Variants in MARK1 observed in about 807,000 individuals in gnomAD.
MARK1 encodes the protein serine/threonine-protein kinase MARK1.
In MARK1, 40 loss-of-function variants were observed where a neutral mutation model predicts 96.3. The observed-to-expected ratio is 0.42, with a 90% CI of 0.32 to 0.54. The LOEUF (loss-of-function observed/expected upper bound fraction) is 0.54, where lower values mean the gene tolerates loss of function less well. Ranked by LOEUF, MARK1 falls within the 20% of genes least tolerant of loss-of-function variation. The pLI, the probability that MARK1 is intolerant of heterozygous loss-of-function variation, is 0.16. For synonymous variants in MARK1, 317 were observed against 341.2 expected (o/e 0.93, Z 0.78); for missense variants, 719 against 984.6 (o/e 0.73, Z 3.61).
In MARK1 at chr1:220,600,035, G is replaced by A. The variant is rs570472265; in HGVS notation, c.424+172G>A. On this transcript the variant is annotated intron_variant, in intron 5 of 17. Coordinates refer to ENST00000366917, the MANE Select transcript of MARK1 (RefSeq NM_018650.5). ...TCAGTGTTTACTTTTAAGACCTTTC[G>A]ATCTTACATTATAAATGGAATTTTT... 1.4e-4 allele frequency among the ~76,000 whole-genome samples: 22 copies of A among 151,880 alleles called. No individual in the cohort carries two copies. In the East Asian group the frequency reaches 3.7e-3, roughly 25 times the overall value.
chr1:220,587,028 C>G (rs929640947), intron 3 of MARK1, among the ~76,000 whole-genome samples: 1 of 152,056 alleles, frequency 6.6e-6, no homozygotes, highest in African/African-American at 2.4e-5. Flanking sequence ...AATTGAAGAC[C>G]CATGTGTCAT....
At chr1:220,634,514 A>T (rs1231636043) in intron 11 of MARK1, among the ~76,000 whole-genome samples, 1 of 152,206 alleles carries the variant, frequency 6.6e-6, no homozygotes. Flanking sequence ...ATCATTGAAA[A>T]TGTTAAATGA....
intron 1 of MARK1, among the ~76,000 whole-genome samples, chr1:220,556,791 G>C (rs1662294234): frequency 6.6e-6 from 1 of 152,172 alleles, no homozygotes; most frequent in Non-Finnish European, 1.5e-5. Flanking sequence ...TGATTAAGCA[G>C]CAGATTATTC....
rs138046036 is a variant in MARK1, at chr1:220,528,866, C to T, written c.44C>T (p.Thr15Met). The T allele has an allele frequency of 1.5e-4, 228 of 1,570,596 alleles. No homozygotes were observed. The highest frequency in any genetic ancestry group is 1.9e-4 in the Non-Finnish European group (216 of 1,157,452). Residue 15 changes from threonine (T) to methionine (M), a missense_variant, in exon 1 of 18, where the codon ACG becomes ATG. Physicochemically the swap from Thr to Met is moderately conservative, Grantham distance 81 (BLOSUM62 -1). This residue lies in a region of MARK1 where 105 missense variants were observed against 133.4 expected (regional missense o/e 0.79). Transcript: ENST00000366917. ...TPLPTVNERD[T>M]ENHTSVDGYT... ...TTGCCGACGGTGAACGAGCGGGACACGGAAAATGTGAGTAACCGGAGCCTC... is the reference window on the plus strand; with the variant it reads ...TTGCCGACGGTGAACGAGCGGGACATGGAAAATGTGAGTAACCGGAGCCTC...
At chr1:220,598,225 G>A in intron 3 of MARK1, 106 bp from the exon 4 acceptor site, 1 of 391,924 alleles carries the variant, frequency 2.6e-6, no homozygotes, top group Non-Finnish European at 5.2e-6. Context: ...CCAGAATCCT[G>A]TAGCATTTTG....
intron 3 of MARK1, among the ~76,000 whole-genome samples, chr1:220,589,798 AAAAG>A (rs1230660886): frequency 1.6e-4 from 24 of 152,232 alleles, no homozygotes; most frequent in Non-Finnish European, 2.6e-4. Context: ...ATGAGAAAGA[AAAAG>A]AACTGAAAAT....
chr1:220,606,948 G>A (rs1031626386), intron 6 of MARK1, among the ~76,000 whole-genome samples: 1 of 152,146 alleles, frequency 6.6e-6, no homozygotes, highest in African/African-American at 2.4e-5. Flanking sequence ...TCTGAAATCA[G>A]GTAGCATGAT....
intron 1 of MARK1, among the ~76,000 whole-genome samples, chr1:220,571,008 A>ATG (rs970802471): frequency 3.3e-5 from 5 of 152,206 alleles, no homozygotes; most frequent in African/African-American, 1.2e-4. Context: ...GTAAATAGGT[A>ATG]TGTGACTGTC....
chr1:220,652,067 C>T lies in MARK1; in HGVS notation c.1653C>T (p.His551=). The change falls in exon 15 of 18, where the codon CAC becomes CAT. Residue 551 remains histidine, a synonymous_variant. Transcript: ENST00000366917. ...CTGTCCCCTCAGCACGACCCCGCCA[C>T]CAGAAGTCCATGTCCACTTCTGGTC... is the stretch of plus-strand genomic sequence containing the variant. ...ASAVPSARPR[H]QKSMSTSGHP... The T allele has an allele frequency of 6.2e-7, 1 of 1,613,812 alleles. No individual in the cohort carries two copies.
intron 5 of MARK1, among the ~76,000 whole-genome samples, chr1:220,601,151 C>A (rs1665718642): frequency 6.6e-6 from 1 of 152,094 alleles, no homozygotes; most frequent in Admixed American, 6.5e-5. Context: ...ATCTCCTGAC[C>A]TCGTGATCTG....
intron 3 of MARK1, among the ~76,000 whole-genome samples, chr1:220,585,825 A>G (rs967092373): frequency 1.3e-5 from 2 of 152,186 alleles, no homozygotes; most frequent in African/African-American, 4.8e-5. Context: ...TCATTTTCCC[A>G]GTCAATCTAT....
intron 1 of MARK1, among the ~76,000 whole-genome samples, chr1:220,547,989 A>G (rs1346439179): frequency 2.0e-5 from 3 of 152,260 alleles, no homozygotes; most frequent in Non-Finnish European, 2.9e-5. Flanking sequence ...AGAATTGCTT[A>G]CCTTGCTGGA....
At chr1:220,604,646 A>G (rs896766612) in intron 6 of MARK1, among the ~76,000 whole-genome samples, 1 of 152,054 alleles carries the variant, frequency 6.6e-6, no homozygotes, top group Admixed American at 6.5e-5. Context: ...GTGGCAGAGG[A>G]ATATGGTAAG....
chr1:220,602,210 G>A (rs1248734731), intron 5 of MARK1, among the ~76,000 whole-genome samples: 2 of 152,164 alleles, frequency 1.3e-5, no homozygotes, highest in Non-Finnish European at 2.9e-5. Flanking sequence ...AAAATTTTCA[G>A]TGATTAGAAA....
intron 3 of MARK1, among the ~76,000 whole-genome samples, chr1:220,591,764 G>A (rs1292915898): frequency 6.6e-6 from 1 of 151,990 alleles, no homozygotes; most frequent in Admixed American, 6.6e-5. Context: ...TATTTTTTGA[G>A]TTTGGTTCTG....
intron 9 of MARK1, chr1:220,628,166 A>C (rs1039911251): frequency 6.6e-6 from 1 of 152,176 alleles, no homozygotes; most frequent in Non-Finnish European, 1.5e-5. Flanking sequence ...CTTCCTTCTC[A>C]GTATCTCACC....
chr1:220,611,315 G>A (rs970085424), intron 6 of MARK1, among the ~76,000 whole-genome samples: 20 of 152,158 alleles, frequency 1.3e-4, no homozygotes, highest in African/African-American at 3.9e-4. Flanking sequence ...CTGCTGCCTC[G>A]CAGATCAATC....
At chr1:220,547,439 A>T (rs961974116) in intron 1 of MARK1, among the ~76,000 whole-genome samples, 2 of 152,208 alleles carry the variant, frequency 1.3e-5, no homozygotes, top group African/African-American at 4.8e-5. Flanking sequence ...GAGGGGAGAA[A>T]AACAAGGAGA....
rs111996812 is a variant in MARK1 at position 220,654,541 on chromosome 1, G to A, written c.1988+1189G>A. On this transcript the variant is annotated intron_variant, in intron 16 of 17. Transcript: ENST00000366917. The surrounding 1 kb of genome is among the most constrained non-coding windows in gnomAD (Gnocchi z 4.0). ...ATCAGTCAGTGACTTTGTACCATTG[G>A]GGCAATTACTATGCAGCATGAAACT... Among the ~76,000 whole-genome samples, 2,892 of 152,184 alleles carry A rather than the reference G, an allele frequency of 0.019. 47 individuals carry two copies. The highest frequency in any genetic ancestry group is 0.078 in the Middle Eastern group (23 of 294).
Sources: gnomAD v4.1 joint callset for allele counts (sites outside exome capture counted in the v4.1 genomes callset) on GRCh38, gnomAD v4.1.1 for gene constraint, gnomAD v4.1.1 regional missense constraint, Gnocchi (gnomAD v3.1) non-coding constraint, MANE v1.5 for transcripts, NCBI Gene and HGNC (gene_info 2026-07-23, HGNC 2026-07-21) for gene names.